The following PGM5 variants were observed in gnomAD, a reference collection of about 807,000 sequenced individuals.
PGM5 encodes the protein phosphoglucomutase-like protein 5.
A neutral mutation model predicts 59.2 loss-of-function variants in PGM5; 23 were observed. That is an observed-to-expected ratio of 0.39 (90% CI 0.28 to 0.55). The LOEUF is 0.55. Ranked by LOEUF, PGM5 falls within the 20% of genes least tolerant of loss-of-function variation. The pLI is 0.66. For synonymous variants in PGM5, 214 were observed against 286.0 expected (o/e 0.75, Z 2.54); for missense variants, 574 against 748.3 (o/e 0.77, Z 2.72).
chr9:68,445,958 C>A (rs1353107704), intron 6 of PGM5, among the ~76,000 whole-genome samples: 1 of 152,168 alleles, frequency 6.6e-6, no homozygotes, highest in African/African-American at 2.4e-5. Context: ...ATGTGGTTTA[C>A]AAATGGTGAA....
chr9:68,383,896 G>T lies in PGM5; in HGVS notation c.425-502G>T, dbSNP rs1822147129. On this transcript the variant is annotated intron_variant, in intron 2 of 10. Transcript: ENST00000396396. ...GAGCTTCATTTTGGAAGTGACTAGA[G>T]ATTGTGAGTTGGGGAAAATAATTAA... Among the ~76,000 whole-genome samples, 3 of 151,886 alleles carry T rather than the reference G, an allele frequency of 2.0e-5. No homozygotes were observed. In the South Asian group the frequency reaches 6.2e-4, roughly 31 times the overall value.
chr9:68,511,189 T>C (rs1332836372), intron 10 of PGM5, among the ~76,000 whole-genome samples: 2 of 152,190 alleles, frequency 1.3e-5, no homozygotes, highest in Non-Finnish European at 2.9e-5. Flanking sequence ...AAGAAATATA[T>C]TTTGGGGTAA....
At chr9:68,382,235 A>AT (rs143745755) in intron 2 of PGM5, among the ~76,000 whole-genome samples, 11,009 of 151,850 alleles carry the variant, frequency 0.072, 497 homozygotes, top group Middle Eastern at 0.19. Context: ...TAGTCAAGTA[A>AT]TTTTGGACCA....
At chr9:68,487,594 T>C (rs1353917817) in intron 9 of PGM5, among the ~76,000 whole-genome samples, 1 of 152,088 alleles carries the variant, frequency 6.6e-6, no homozygotes, top group Non-Finnish European at 1.5e-5. Flanking sequence ...AAAAGTACTT[T>C]GCAGTAAAAT....
chr9:68,511,127 G>A (rs943307143), intron 10 of PGM5, among the ~76,000 whole-genome samples: 4 of 152,168 alleles, frequency 2.6e-5, no homozygotes, highest in African/African-American at 9.7e-5. Context: ...TCTACAGAAG[G>A]CCGATTTCCC....
intron 6 of PGM5, among the ~76,000 whole-genome samples, chr9:68,429,821 A>G (rs541228849): frequency 6.6e-6 from 1 of 152,324 alleles, no homozygotes; most frequent in Admixed American, 6.5e-5. Flanking sequence ...ATCTCCACTG[A>G]TGCGATTTAC....
chr9:68,508,054 G>C (rs1554689116), intron 10 of PGM5, among the ~76,000 whole-genome samples: 1 of 152,126 alleles, frequency 6.6e-6, no homozygotes, highest in Non-Finnish European at 1.5e-5. Context: ...CTCCTTTCAA[G>C]GTACTGAGTA....
At chr9:68,367,920 G>A (rs1156877456) in intron 1 of PGM5, among the ~76,000 whole-genome samples, 127 of 151,464 alleles carry the variant, frequency 8.4e-4, no homozygotes, top group African/African-American at 2.9e-3. Flanking sequence ...AAATGTATAT[G>A]TATATTCACC....
At chr9:68,428,998 T>A (rs1554682856) in intron 6 of PGM5, 1 of 152,220 alleles carries the variant, frequency 6.6e-6, no homozygotes, top group Non-Finnish European at 1.5e-5. Context: ...AACTTTTATG[T>A]CCTTCGCTTT....
chr9:68,410,779 A>C (rs1424353841), intron 6 of PGM5, among the ~76,000 whole-genome samples: 1 of 152,210 alleles, frequency 6.6e-6, no homozygotes, highest in Non-Finnish European at 1.5e-5. Flanking sequence ...TTTGGGAAGC[A>C]ATGTGGCTCT....
In PGM5 at chr9:68,485,551, C is replaced by T. The variant is rs782355130; in HGVS notation, c.1479+1503C>T. On this transcript the variant is annotated intron_variant, in intron 9 of 10. Transcript: ENST00000396396. The stretch of plus-strand genomic sequence containing the variant: ...GTAAGACATGTGTTTGCTCCTCCCT[C>T]GCCTTCCACCATTATTGTGAGTCCA... 5.3e-5 allele frequency among the ~76,000 whole-genome samples: 8 copies of T among 152,292 alleles called. 1 individual carries two copies. Among genetic ancestry groups the T allele is most frequent in the South Asian group, 4.1e-4 (2 of 4,820 alleles).
intron 9 of PGM5, among the ~76,000 whole-genome samples, chr9:68,489,465 T>A: frequency 7.0e-6 from 1 of 142,570 alleles, no homozygotes; most frequent in South Asian, 2.2e-4. Context: ...TTTCTTTTTC[T>A]TTTCTTTTTT....
chr9:68,360,677 G>C (rs1396216663), intron 1 of PGM5, among the ~76,000 whole-genome samples: 2 of 151,978 alleles, frequency 1.3e-5, no homozygotes, highest in African/African-American at 2.4e-5. Context: ...GGCACTCATA[G>C]GCAAACATAG....
chr9:68,417,512 C>T (rs1283074316), intron 6 of PGM5, among the ~76,000 whole-genome samples: 3 of 152,124 alleles, frequency 2.0e-5, no homozygotes, highest in African/African-American at 4.8e-5. Flanking sequence ...GAACATTGAG[C>T]TGCGTATCCT....
chr9:68,443,448 A>T (rs1823560053), intron 6 of PGM5, among the ~76,000 whole-genome samples: 1 of 152,214 alleles, frequency 6.6e-6, no homozygotes, highest in Non-Finnish European at 1.5e-5. Context: ...CCATAGATCT[A>T]CACATGTCAA....
At chr9:68,484,541 AACACACACACAC>A (rs72293391) in intron 9 of PGM5, among the ~76,000 whole-genome samples, 5 of 132,282 alleles carry the variant, frequency 3.8e-5, no homozygotes, top group Admixed American at 2.3e-4. Flanking sequence ...CCATGTCTCA[AACACACACACAC>A]ACACACACAC....
intron 6 of PGM5, among the ~76,000 whole-genome samples, chr9:68,453,176 G>T (rs989516611): frequency 6.6e-6 from 1 of 152,188 alleles, no homozygotes; most frequent in African/African-American, 2.4e-5. Flanking sequence ...TCCTGCCAAA[G>T]TAGAGAGTCC....
intron 6 of PGM5, among the ~76,000 whole-genome samples, chr9:68,438,645 T>A (rs1313405751): frequency 6.6e-6 from 1 of 152,158 alleles, no homozygotes; most frequent in Non-Finnish European, 1.5e-5. Context: ...TAAATAATAG[T>A]AGATAGATTG....
At chr9:68,529,068 A>C (rs1825036628) in intron 10 of PGM5, among the ~76,000 whole-genome samples, 1 of 152,104 alleles carries the variant, frequency 6.6e-6, no homozygotes, top group Non-Finnish European at 1.5e-5. Flanking sequence ...TCATTTCTGC[A>C]ACGTTGGCCA....
Sources: gnomAD v4.1 joint callset for allele counts (sites outside exome capture counted in the v4.1 genomes callset) on GRCh38, gnomAD v4.1.1 for gene constraint, MANE v1.5 for transcripts, NCBI Gene and HGNC (gene_info 2026-07-23, HGNC 2026-07-21) for gene names.